The following TRHDE variants were observed in gnomAD, a reference collection of about 807,000 sequenced individuals.
TRHDE encodes thyrotropin-releasing hormone-degrading ectoenzyme.
Under a neutral mutation model 125.7 loss-of-function variants are expected in TRHDE, and 72 were observed. The ratio of observed to expected loss-of-function variants is 0.57; its 90% CI spans 0.47 to 0.70. TRHDE has a LOEUF of 0.70. TRHDE is among the 30% of genes least tolerant of loss of function. The pLI, the probability that TRHDE is intolerant of heterozygous loss-of-function variation, is 0.00. For missense variants in TRHDE, 1,110 were observed against 1,327.1 expected, an observed-to-expected ratio of 0.84 and a Z score of 2.54; for synonymous variants, 509 against 509.1, an observed-to-expected ratio of 1.00 and a Z score of 0.00.
chr12:72,585,430 T>C (rs1871398898), intron 12 of TRHDE, among the ~76,000 whole-genome samples: 1 of 152,230 alleles, frequency 6.6e-6, no homozygotes, highest in South Asian at 2.1e-4. Context: ...CACGTACTTA[T>C]GGTCACTCCA....
chr12:72,444,127 TA>T (rs1014551597), intron 3 of TRHDE, among the ~76,000 whole-genome samples: 1 of 151,874 alleles, frequency 6.6e-6, no homozygotes, highest in Non-Finnish European at 1.5e-5. Context: ...TAGGCAAAGC[TA>T]AAAAAACAAG....
chr12:72,409,252 A>G (rs2135812320), intron 3 of TRHDE, among the ~76,000 whole-genome samples: 1 of 152,340 alleles, frequency 6.6e-6, no homozygotes, highest in Non-Finnish European at 1.5e-5. Flanking sequence ...TATTAAATGG[A>G]AAAATGCTAA....
intron 10 of TRHDE, among the ~76,000 whole-genome samples, chr12:72,570,088 G>T (rs1311082265): frequency 6.6e-6 from 1 of 152,162 alleles, no homozygotes; most frequent in Non-Finnish European, 1.5e-5. Context: ...TTGGAAGGTA[G>T]AATGGAAATG....
chr12:72,358,197 G>A (rs981685336), intron 2 of TRHDE, among the ~76,000 whole-genome samples: 5 of 151,404 alleles, frequency 3.3e-5, no homozygotes, highest in African/African-American at 1.2e-4. Flanking sequence ...GCAGAATACA[G>A]TTGACTCTTG....
At chr12:72,097,966 T>C (rs918956401) in intron 1 of TRHDE, among the ~76,000 whole-genome samples, 1 of 152,228 alleles carries the variant, frequency 6.6e-6, no homozygotes, top group African/African-American at 2.4e-5. Flanking sequence ...TATGTTATTT[T>C]ACATATGGCC....
Position 72,282,640 on chromosome 12 carries a change from C to T in TRHDE, c.915-4041C>T, listed in dbSNP as rs537037262. Among the ~76,000 whole-genome samples, 4 of 152,318 alleles carry T rather than the reference C, an allele frequency of 2.6e-5. No homozygotes were observed. The South Asian group carries it at 8.3e-4, about 32-fold the overall frequency. ...GATGTAACCAGAATCTGCAAGACAG[C>T]AGACAGGGCACAAACTTAATATGTG... is the stretch of plus-strand genomic sequence containing the variant. On this transcript the variant is annotated intron_variant, in intron 1 of 18. Coordinates refer to ENST00000261180, the MANE Select transcript of TRHDE (RefSeq NM_013381.3).
At position 72,125,277 on chromosome 12, in the gene TRHDE, G is replaced by A. The variant is rs569953975; in HGVS notation, n.279+19525G>A. On this transcript the variant is annotated intron_variant and non_coding_transcript_variant, in intron 2 of 4. Transcript: ENST00000548156. ...TTGAAATCTTCTGTTCTGGATCTTTGTGGTGCAAGAGGTTCCTTCCAGGTT... is the reference window on the plus strand; with the variant it reads ...TTGAAATCTTCTGTTCTGGATCTTTATGGTGCAAGAGGTTCCTTCCAGGTT... 1.5e-3 allele frequency among the ~76,000 whole-genome samples: 228 copies of A among 152,076 alleles called. 1 individual carries two copies. The highest frequency in any genetic ancestry group is 5.0e-3 in the African/African-American group (209 of 41,510).
upstream of TRHDE, among the ~76,000 whole-genome samples, chr12:72,268,281 C>T (rs951080913): frequency 3.3e-5 from 5 of 152,174 alleles, 1 homozygote; most frequent in South Asian, 1.0e-3. Context: ...TGTTCTTTTT[C>T]TACTACAGTG....
intron 2 of TRHDE, among the ~76,000 whole-genome samples, chr12:72,324,984 C>A (rs1408622738): frequency 6.6e-6 from 1 of 152,034 alleles, no homozygotes. Flanking sequence ...GTTGTACTTC[C>A]GGAGTGTCAA....
In TRHDE at chr12:72,273,095, C is replaced by T. The variant is rs558653169; in HGVS notation, c.452C>T (p.Ser151Phe). The change falls in exon 1 of 19, where the codon TCC becomes TTC. Residue 151 changes from serine to phenylalanine, a missense_variant. This residue lies in a region of TRHDE where 248 missense variants were observed against 240.8 expected (regional missense o/e 1.03). Coordinates refer to ENST00000261180, the MANE Select transcript of TRHDE (RefSeq NM_013381.3). The surrounding 1 kb of genome is among the most constrained non-coding windows in gnomAD (Gnocchi z 5.3). The stretch of plus-strand genomic sequence containing the variant: ...CGCAACCACCACGCAGGCGGGGACT[C>T]CTGGCAGCCCGAGGCGGGTGGGGTG... ...ARRNHHAGGD[S>F]WQPEAGGVAS... The T allele has an allele frequency of 2.0e-6, 3 of 1,524,966 alleles. No homozygotes were observed. In the African/African-American group the frequency reaches 4.1e-5, roughly 21 times the overall value. 94.5% of individuals were successfully genotyped at this position (1,524,966 alleles called of 1,614,324 possible).
intron 2 of TRHDE, among the ~76,000 whole-genome samples, chr12:72,153,971 G>C (rs1876435966): frequency 6.6e-6 from 1 of 152,176 alleles, no homozygotes; most frequent in Admixed American, 6.5e-5. Flanking sequence ...CTGTCTCATT[G>C]ATCTGTCTAA....
intron 5 of TRHDE, among the ~76,000 whole-genome samples, chr12:72,480,419 G>A (rs1311267920): frequency 1.3e-5 from 2 of 151,782 alleles, no homozygotes; most frequent in Non-Finnish European, 2.9e-5. Flanking sequence ...GCCAGTGATG[G>A]TGAGCATTTT....
At chr12:72,639,518 C>A (rs1001756037) in intron 15 of TRHDE, among the ~76,000 whole-genome samples, 1 of 151,994 alleles carries the variant, frequency 6.6e-6, no homozygotes, top group Non-Finnish European at 1.5e-5. Flanking sequence ...AGTCATTCTC[C>A]GTCCAGCTTT....
At chr12:72,480,694 C>T (rs2135912582) in intron 5 of TRHDE, among the ~76,000 whole-genome samples, 1 of 152,182 alleles carries the variant, frequency 6.6e-6, no homozygotes, top group South Asian at 2.1e-4. Context: ...TAATGCAAGG[C>T]CATCCTTTCT....
At chr12:72,621,535 T>C in intron 14 of TRHDE, 109 bp from the exon 15 acceptor site, 1 of 799,246 alleles carries the variant, frequency 1.3e-6, no homozygotes, top group Non-Finnish European at 1.9e-6. Flanking sequence ...CAGCATAGGA[T>C]TTCCAGATCT....
At chr12:72,378,218 T>C in intron 3 of TRHDE, 97 bp downstream of exon 3, 2 of 1,192,052 alleles carry the variant, frequency 1.7e-6, no homozygotes, top group South Asian at 5.1e-5. Context: ...ATGAAAATTC[T>C]GAGATTTATA....
intron 6 of TRHDE, among the ~76,000 whole-genome samples, chr12:72,518,744 T>C (rs1177807019): frequency 6.6e-6 from 1 of 152,202 alleles, no homozygotes; most frequent in Non-Finnish European, 1.5e-5. Context: ...CTAGCCTCGA[T>C]GGTCTTTACA....
chr12:72,521,824 G>A (rs141446563), intron 6 of TRHDE, among the ~76,000 whole-genome samples: 19 of 152,286 alleles, frequency 1.2e-4, no homozygotes, highest in Admixed American at 2.6e-4. Flanking sequence ...AATTGGAGCC[G>A]TTGAAACTAT....
chr12:72,568,159 T>C (rs1212564668), intron 9 of TRHDE, among the ~76,000 whole-genome samples: 4 of 152,090 alleles, frequency 2.6e-5, no homozygotes, highest in Admixed American at 6.6e-5. Context: ...ATAAGGAGAA[T>C]ATTAAAATGT....
Sources: allele counts gnomAD v4.1 joint callset (sites outside exome capture counted in the v4.1 genomes callset), GRCh38; gene constraint gnomAD v4.1.1; regional missense constraint gnomAD v4.1.1; non-coding constraint Gnocchi (gnomAD v3.1); transcripts MANE v1.5; gene names NCBI Gene and HGNC (gene_info 2026-07-23, HGNC 2026-07-21).